Variants in RASSF7 observed in about 807,000 individuals in gnomAD.
RASSF7 encodes the protein Ras association domain family member 7.
RASSF7 carries 41 observed loss-of-function variants against 33.8 expected under a neutral mutation model. The ratio of observed to expected loss-of-function variants is 1.21; its 90% CI spans 0.95 to 1.57. The LOEUF (loss-of-function observed/expected upper bound fraction) is 1.57. Among genes scored for constraint, RASSF7 ranks in the 40% most tolerant of loss-of-function variants. RASSF7 has a pLI of 0.00. For missense variants in RASSF7, 622 were observed against 497.0 expected (o/e 1.25, Z -2.39); for synonymous variants, 298 against 212.8 (o/e 1.40, Z -3.48).
In RASSF7 at chr11:563,297, A is replaced by G; in HGVS notation, c.931A>G (p.Arg311Gly). Reference sequence around the variant, plus strand: ...GCTGCCACCGCCCCCACGGCCTGACAGGGGCCCTCCTGGCACTCAGGTCGG... The same window carrying G: ...GCTGCCACCGCCCCCACGGCCTGACGGGGGCCCTCCTGGCACTCAGGTCGG... ...AALPPPPRPD[R>G]GPPGTQGPLP... The change falls in exon 4 of 6, where the codon AGG (arginine) becomes GGG (glycine). Residue 311 changes from arginine to glycine, a missense_variant. Transcript: ENST00000397583. 6.2e-7 allele frequency: 1 copy of G among 1,610,012 alleles called. No individual in the cohort carries two copies. The highest frequency in any genetic ancestry group is 8.5e-7 in the Non-Finnish European group (1 of 1,178,678).
chr11:563,114 G>C lies in RASSF7; in HGVS notation c.823-75G>C. On this transcript the variant is annotated intron_variant, in intron 3 of 5. Transcript: ENST00000397583. ...ATGGGGGTCACAGGGCCCGACCAGG[G>C]AAAGTGCTCCCTCCGGAGCACAAGG... 5 of 1,400,198 alleles carry C rather than the reference G, an allele frequency of 3.6e-6. No individual in the cohort carries two copies. The East Asian group carries it at 9.3e-5, about 26-fold the overall frequency. The allele number at this position is 1,400,198 out of a possible 1,614,324, so 86.7% of individuals were successfully genotyped here. A position where few individuals can be genotyped will look rare whatever the true frequency, so the allele number is the denominator to read the frequency against.
chr11:562,197 G>C lies in RASSF7; in HGVS notation c.243G>C (p.Gln81His), dbSNP rs1853358803. The C allele has an allele frequency of 3.1e-6, 5 of 1,599,600 alleles. No individual in the cohort carries two copies. The highest frequency in any genetic ancestry group is 4.3e-6 in the Non-Finnish European group (5 of 1,172,612). Residue 81 changes from glutamine to histidine, a missense_variant, in exon 3 of 6, where the codon CAG (glutamine) becomes CAC (histidine). Transcript: ENST00000397583. ...ATCGQFASDV[Q>H]FVLRRTGPSL... ...GCGGACAGTTTGCCAGCGATGTCCA[G>C]TTTGTCCTGAGGCGCACAGGGCCCA... is the stretch of plus-strand genomic sequence containing the variant.
Position 563,255 on chromosome 11 carries a change from C to T in RASSF7, c.889C>T (p.Gln297Ter). 8 of 1,611,068 alleles carry T rather than the reference C, an allele frequency of 5.0e-6. No individual in the cohort carries two copies. The highest frequency in any genetic ancestry group is 6.8e-6 in the Non-Finnish European group (8 of 1,178,882). Residue 297 changes from glutamine (Q) to a stop codon, truncating the protein, a stop_gained, in exon 4 of 6, where the codon CAG becomes TAG. Coordinates refer to ENST00000397583, the MANE Select transcript of RASSF7 (RefSeq NM_003475.4). LOFTEE classifies it high-confidence loss of function. ...LRQCNLQQFI[Q>*]QTGAALPPPP... is the part of the protein sequence containing the mutation. ...TCAGTGCAACCTGCAGCAGTTCATCCAGCAGACCGGGGCTGCGCTGCCACC... is the reference window on the plus strand; with the variant it reads ...TCAGTGCAACCTGCAGCAGTTCATCTAGCAGACCGGGGCTGCGCTGCCACC...
Position 561,893 on chromosome 11 carries a change from G to C in RASSF7, c.124+1G>C. 6.2e-7 allele frequency: 1 copy of C among 1,613,474 alleles called. No individual in the cohort carries two copies. The highest frequency in any genetic ancestry group is 8.5e-7 in the Non-Finnish European group (1 of 1,179,954). Reference sequence around the variant, plus strand: ...GTCATCGCACTAGCCCAAGCAATAGGTGAGTCCTCTCGGGGTCAGGCAGGC... The same window carrying C: ...GTCATCGCACTAGCCCAAGCAATAGCTGAGTCCTCTCGGGGTCAGGCAGGC... On this transcript the variant is annotated splice_donor_variant, in intron 2 of 5. Transcript: ENST00000397583. LOFTEE classifies it high-confidence loss of function.
In RASSF7 at chr11:560,977, T is replaced by C. The variant is rs542208050; in HGVS notation, c.-508T>C. ...GCGGGGCCCGGGTGCGCCGCGGCGC[T>C]GGGGGCGGCAGGTTGCGGCGGCGCC... is the stretch of plus-strand genomic sequence containing the variant. On this transcript the variant is annotated 5_prime_UTR_variant, in exon 1 of 6. Coordinates refer to ENST00000397583, the MANE Select transcript of RASSF7 (RefSeq NM_003475.4). 1 of 1,087,472 alleles carries C rather than the reference T, an allele frequency of 9.2e-7. No individual in the cohort carries two copies. Among genetic ancestry groups the C allele is most frequent in the Non-Finnish European group, 1.1e-6 (1 of 897,026 alleles). 67.4% of individuals were successfully genotyped at this position (1,087,472 alleles called of 1,614,324 possible).
At position 563,317 on chromosome 11, in the gene RASSF7, G is replaced by C; in HGVS notation, c.951G>C (p.Gln317His). 1 of 1,608,484 alleles carries C rather than the reference G, an allele frequency of 6.2e-7. No individual in the cohort carries two copies. Among genetic ancestry groups the C allele is most frequent in the Non-Finnish European group, 8.5e-7 (1 of 1,178,006 alleles). The change falls in exon 4 of 6, where the codon CAG becomes CAC. Residue 317 changes from glutamine to histidine, a missense_variant and splice_region_variant. Transcript: ENST00000397583. ...CTGACAGGGGCCCTCCTGGCACTCA[G>C]GTCGGAGTGGTTCTGGGGGGAGGCT... Reference protein sequence around the residue: ...PRPDRGPPGTQGPLPPAREES... With the variant: ...PRPDRGPPGTHGPLPPAREES...
In RASSF7 at chr11:561,883, C is replaced by G; in HGVS notation, c.115C>G (p.Gln39Glu). ...CCAGGAAGTGGTCATCGCACTAGCC[C>G]AAGCAATAGGTGAGTCCTCTCGGGG... ...TCQEVVIALA[Q>E]AIGQTGRFVL... Residue 39 changes from glutamine to glutamate, a missense_variant, in exon 2 of 6, where the codon CAA becomes GAA. Gln to Glu is a conservative substitution (Grantham distance 29). Transcript: ENST00000397583. 1 of 1,613,550 alleles carries G rather than the reference C, an allele frequency of 6.2e-7. No individual in the cohort carries two copies. Among genetic ancestry groups the G allele is most frequent in the Non-Finnish European group, 8.5e-7 (1 of 1,179,984 alleles).
intron 3 of RASSF7, 44 bp downstream of exon 3, chr11:562,820 T>C (rs111838516): frequency 0.065 from 84,770 of 1,311,782 alleles, 4,033 homozygotes; most frequent in Admixed American, 0.18. Context: ...CCACCCCTGA[T>C]ATGGGCAGAT....
chr11:561,553 C>G (rs1853305047), intron 1 of RASSF7, 76 bp downstream of exon 1: 4 of 1,403,134 alleles, frequency 2.9e-6, no homozygotes, highest in Non-Finnish European at 3.7e-6. Context: ...CAAGAGGAAG[C>G]TGGTGAAGTG....
intron 3 of RASSF7, 39 bp downstream of exon 3, chr11:562,815 C>T (rs773119792): frequency 7.1e-7 from 1 of 1,407,740 alleles, no homozygotes; most frequent in Non-Finnish European, 9.4e-7. Flanking sequence ...CTCCCCCACC[C>T]CTGATATGGG....
In RASSF7 at chr11:562,360, C is replaced by G. The variant is rs572336426; in HGVS notation, c.406C>G (p.Leu136Val). The change falls in exon 3 of 6, where the codon CTC becomes GTC. Residue 136 changes from leucine (L) to valine (V), a missense_variant. Coordinates refer to ENST00000397583, the MANE Select transcript of RASSF7 (RefSeq NM_003475.4). The part of the protein sequence containing the change: ...KTLTPEPAPS[L>V]SRPGPAAPVT... ...ACTGACCCCCGAGCCAGCCCCCAGC[C>G]TCTCACGCCCTGGGCCTGCGGCCCC... 6.3e-7 allele frequency: 1 copy of G among 1,599,632 alleles called. No individual in the cohort carries two copies. Among genetic ancestry groups the G allele is most frequent in the Non-Finnish European group, 8.5e-7 (1 of 1,173,810 alleles).
chr11:561,383 G>C lies in RASSF7; in HGVS notation c.-102G>C. ...CCCGAGCGCCTCTGCGGCCTGAGCAGGTCGGGGTGGGGCGTTCCCATGCCG... is the reference window on the plus strand; with the variant it reads ...CCCGAGCGCCTCTGCGGCCTGAGCACGTCGGGGTGGGGCGTTCCCATGCCG... On this transcript the variant is annotated 5_prime_UTR_variant, in exon 1 of 6. Transcript: ENST00000397583. 1 of 1,097,266 alleles carries C rather than the reference G, an allele frequency of 9.1e-7. No individual in the cohort carries two copies. The highest frequency in any genetic ancestry group is 1.1e-6 in the Non-Finnish European group (1 of 899,440). 68.0% of individuals were successfully genotyped at this position (1,097,266 alleles called of 1,614,324 possible).
Position 562,302 on chromosome 11 carries a change from A to G in RASSF7, c.348A>G (p.Pro116=), listed in dbSNP as rs747303773. ...TTCGTGCCAGCCTCCCTGTAAAGCC[A>G]CGGGCTGCGCTGGGCTGTGAGCCCC... ...CLIRASLPVK[P]RAALGCEPRK... is the part of the protein sequence containing the mutation. The change falls in exon 3 of 6, where the codon CCA becomes CCG. Residue 116 remains proline (P), a synonymous_variant. Coordinates refer to ENST00000397583, the MANE Select transcript of RASSF7 (RefSeq NM_003475.4). 15 of 1,612,310 alleles carry G rather than the reference A, an allele frequency of 9.3e-6. No individual in the cohort carries two copies. Among genetic ancestry groups the G allele is most frequent in the Non-Finnish European group, 1.2e-5 (14 of 1,179,884 alleles).
intron 3 of RASSF7, 118 bp downstream of exon 3, chr11:562,894 C>T (rs982847130): frequency 1.3e-5 from 12 of 908,520 alleles, no homozygotes; most frequent in Non-Finnish European, 3.2e-6. Context: ...CCTGTCACTC[C>T]CCCACCCCTG....
rs917154747 is a variant in RASSF7, at chr11:561,683, C to T, written c.-7-79C>T. On this transcript the variant is annotated intron_variant, in intron 1 of 5. Coordinates refer to ENST00000397583, the MANE Select transcript of RASSF7 (RefSeq NM_003475.4). ...GCAGCCCAGCCGTTTCTAGGGCAGG[C>T]CAAGAGGATGAGGAGAGGAGGACCA... 9 of 1,585,850 alleles carry T rather than the reference C, an allele frequency of 5.7e-6. No homozygotes were observed. The East Asian group carries it at 9.0e-5, about 16-fold the overall frequency.
Position 561,482 on chromosome 11 carries a change from G to A in RASSF7, c.-8+5G>A, listed in dbSNP as rs1360910585. ...GGGCAGTGTCCTCCGAGCCAGGTGA[G>A]GCGAGTAGGAAATGCTGGATCTGGT... On this transcript the variant is annotated splice_donor_5th_base_variant and intron_variant, in intron 1 of 5. Coordinates refer to ENST00000397583, the MANE Select transcript of RASSF7 (RefSeq NM_003475.4). 7.7e-7 allele frequency: 1 copy of A among 1,302,502 alleles called. No homozygotes were observed. The highest frequency in any genetic ancestry group is 9.8e-7 in the Non-Finnish European group (1 of 1,017,886). The allele number at this position is 1,302,502 out of a possible 1,614,324, so 80.7% of individuals were successfully genotyped here. A position where few individuals can be genotyped will look rare whatever the true frequency, so the allele number is the denominator to read the frequency against.
In RASSF7 at chr11:562,340, C is replaced by T. The variant is rs766326818; in HGVS notation, c.386C>T (p.Thr129Ile). Residue 129 changes from threonine (T) to isoleucine (I), a missense_variant, in exon 3 of 6, where the codon ACC (threonine) becomes ATC (isoleucine). Thr to Ile is a moderately conservative substitution (Grantham distance 89). Coordinates refer to ENST00000397583, the MANE Select transcript of RASSF7 (RefSeq NM_003475.4). ...ALGCEPRKTLTPEPAPSLSRP... is the reference protein window; with the variant it reads ...ALGCEPRKTLIPEPAPSLSRP... ...GGCTGTGAGCCCCGCAAAACACTGACCCCCGAGCCAGCCCCCAGCCTCTCA... is the reference window on the plus strand; with the variant it reads ...GGCTGTGAGCCCCGCAAAACACTGATCCCCGAGCCAGCCCCCAGCCTCTCA... The T allele has an allele frequency of 1.9e-6, 3 of 1,606,224 alleles. No individual in the cohort carries two copies. Among genetic ancestry groups the T allele is most frequent in the South Asian group, 1.1e-5 (1 of 90,162 alleles).
At position 562,300 on chromosome 11, in the gene RASSF7, C is replaced by T. The variant is rs1853364691; in HGVS notation, c.346C>T (p.Pro116Ser). The change falls in exon 3 of 6, where the codon CCA (proline) becomes TCA (serine). Residue 116 changes from proline (P) to serine (S), a missense_variant. Physicochemically the swap from Pro to Ser is moderately conservative, Grantham distance 74. Coordinates refer to ENST00000397583, the MANE Select transcript of RASSF7 (RefSeq NM_003475.4). ...AATTCGTGCCAGCCTCCCTGTAAAGCCACGGGCTGCGCTGGGCTGTGAGCC... is the reference window on the plus strand; with the variant it reads ...AATTCGTGCCAGCCTCCCTGTAAAGTCACGGGCTGCGCTGGGCTGTGAGCC... ...CLIRASLPVK[P>S]RAALGCEPRK... 1.9e-6 allele frequency: 3 copies of T among 1,612,570 alleles called. No homozygotes were observed. The highest frequency in any genetic ancestry group is 1.7e-6 in the Non-Finnish European group (2 of 1,179,932).
chr11:562,090 C>G lies in RASSF7; in HGVS notation c.136C>G (p.Arg46Gly). The change falls in exon 3 of 6, where the codon CGC (arginine) becomes GGC (glycine). Residue 46 changes from arginine to glycine, a missense_variant. Arg to Gly is a moderately radical substitution (Grantham distance 125, BLOSUM62 -2). Coordinates refer to ENST00000397583, the MANE Select transcript of RASSF7 (RefSeq NM_003475.4). ...ALAQAIGQTGRFVLVQRLREK... is the reference protein window; with the variant it reads ...ALAQAIGQTGGFVLVQRLREK... ...CCTCTTCTTCCCAGGCCAGACTGGC[C>G]GCTTTGTGCTTGTGCAGCGGCTTCG... The G allele has an allele frequency of 6.6e-7, 1 of 1,518,426 alleles. No homozygotes were observed. Among genetic ancestry groups the G allele is most frequent in the Non-Finnish European group, 8.8e-7 (1 of 1,132,332 alleles). 94.1% of individuals were successfully genotyped at this position (1,518,426 alleles called of 1,614,324 possible). A position where few individuals can be genotyped will look rare whatever the true frequency, so the allele number is the denominator to read the frequency against.
Sources: allele counts gnomAD v4.1 joint callset, GRCh38; gene constraint gnomAD v4.1.1; transcripts MANE v1.5; gene names NCBI Gene and HGNC (gene_info 2026-07-23, HGNC 2026-07-21).